ULK4: variants seen among roughly 807,000 people sequenced by gnomAD.
ULK4 encodes unc-51 like kinase 4.
ULK4 carries 133 observed loss-of-function variants against 160.6 expected under a neutral mutation model. The observed-to-expected ratio is 0.83, with a 90% CI of 0.72 to 0.96. The LOEUF is 0.96. Ranked by LOEUF, ULK4 falls within the 40% of genes least tolerant of loss-of-function variation. ULK4 has a pLI of 0.00. For synonymous variants in ULK4, 534 were observed against 539.8 expected, an observed-to-expected ratio of 0.99 and a Z score of 0.15; for missense variants, 1,580 against 1,499.5, an observed-to-expected ratio of 1.05 and a Z score of -0.89.
At chr3:41,593,476 A>G (rs986030214) in intron 31 of ULK4, among the ~76,000 whole-genome samples, 1 of 152,172 alleles carries the variant, frequency 6.6e-6, no homozygotes, top group South Asian at 2.1e-4. Context: ...GGGGAACTGG[A>G]GTTATTTAAC....
intron 31 of ULK4, among the ~76,000 whole-genome samples, chr3:41,614,742 T>C (rs963487772): frequency 6.6e-6 from 1 of 152,048 alleles, no homozygotes; most frequent in African/African-American, 2.4e-5. Context: ...AAAAATAAAG[T>C]TTTCACCATA....
chr3:41,716,009 C>T (rs1032288866), intron 23 of ULK4, among the ~76,000 whole-genome samples: 3 of 151,334 alleles, frequency 2.0e-5, no homozygotes, highest in African/African-American at 4.8e-5. Flanking sequence ...GTCAGGAGAT[C>T]GAGACCATCC....
At chr3:41,541,186 T>C (rs1402426298) in intron 32 of ULK4, among the ~76,000 whole-genome samples, 3 of 152,338 alleles carry the variant, frequency 2.0e-5, no homozygotes, top group East Asian at 3.9e-4. Flanking sequence ...CTTTAATCCA[T>C]CCTGAATCAA....
chr3:41,444,136 T>C (rs1021271401), intron 34 of ULK4, among the ~76,000 whole-genome samples: 2 of 152,172 alleles, frequency 1.3e-5, no homozygotes, highest in African/African-American at 2.4e-5. Flanking sequence ...AATATTTTAA[T>C]TTACCAATAT....
chr3:41,348,617 AC>A (rs141030724), intron 35 of ULK4, among the ~76,000 whole-genome samples: 2,634 of 152,226 alleles, frequency 0.017, 62 homozygotes, highest in African/African-American at 0.052. Context: ...GATAAATATA[AC>A]TGAGCACATA....
At chr3:41,935,209 ATTTTTTTTTTTT>A (rs10524611) in intron 4 of ULK4, among the ~76,000 whole-genome samples, 21 of 135,594 alleles carry the variant, frequency 1.5e-4, no homozygotes, top group African/African-American at 3.6e-4. Flanking sequence ...TTATTTATTT[ATTTTTTTTTTTT>A]TTTTTTTTTT....
intron 14 of ULK4, 37 bp from the exon 15 acceptor site, chr3:41,897,040 G>T: frequency 1.3e-6 from 2 of 1,535,140 alleles, no homozygotes; most frequent in Non-Finnish European, 1.8e-6. Flanking sequence ...TACATATGAT[G>T]AGAAAAAGAA....
chr3:41,601,391 C>T lies in ULK4; in HGVS notation c.3120+14278G>A, dbSNP rs947284458. 5.9e-5 allele frequency among the ~76,000 whole-genome samples: 9 copies of T among 152,000 alleles called. No individual in the cohort carries two copies. The East Asian group carries it at 1.7e-3, about 29-fold the overall frequency. On this transcript the variant is annotated intron_variant, in intron 31 of 36. Coordinates refer to ENST00000301831, the MANE Select transcript of ULK4 (RefSeq NM_017886.4). ...GACACATCTCCTTTATGGAAAAATT[C>T]GAAATAATTTATGTAGGTACTTTGC... is the stretch of plus-strand genomic sequence containing the variant.
chr3:41,414,034 G>A (rs1427517159), intron 34 of ULK4, among the ~76,000 whole-genome samples: 4 of 152,074 alleles, frequency 2.6e-5, no homozygotes, highest in Admixed American at 6.5e-5. Context: ...GAGAAACCCC[G>A]TCTCTACTTA....
chr3:41,865,271 T>TA (rs55741060), intron 17 of ULK4, among the ~76,000 whole-genome samples: 1,124 of 29,926 alleles, frequency 0.038, 164 homozygotes, highest in Non-Finnish European at 0.055. Flanking sequence ...ACTCTGTCTT[T>TA]AAAAAAAAAA....
intron 34 of ULK4, among the ~76,000 whole-genome samples, chr3:41,428,870 C>T (rs1273460757): frequency 6.6e-6 from 1 of 152,030 alleles, no homozygotes; most frequent in Non-Finnish European, 1.5e-5. Context: ...ATGACAAAAA[C>T]GTCAAAAGCT....
At chr3:41,827,403 T>C (rs865966347) in intron 18 of ULK4, among the ~76,000 whole-genome samples, 1 of 151,952 alleles carries the variant, frequency 6.6e-6, no homozygotes, top group Admixed American at 6.6e-5. Flanking sequence ...ACAAAATTGA[T>C]AGACCACTAG....
At chr3:41,800,947 C>T (rs2040440773) in intron 19 of ULK4, among the ~76,000 whole-genome samples, 1 of 152,116 alleles carries the variant, frequency 6.6e-6, no homozygotes, top group Non-Finnish European at 1.5e-5. Flanking sequence ...GTTCCGCATC[C>T]AATGATATAA....
intron 17 of ULK4, among the ~76,000 whole-genome samples, chr3:41,848,144 G>C (rs2042116873): frequency 6.6e-6 from 1 of 152,156 alleles, no homozygotes; most frequent in Admixed American, 6.5e-5. Context: ...GAGAAGCAAG[G>C]ACTGCTATCT....
At chr3:41,717,931 G>A (rs1027584152) in intron 22 of ULK4, 70 bp from the exon 23 acceptor site, 19 of 1,533,302 alleles carry the variant, frequency 1.2e-5, no homozygotes, top group Non-Finnish European at 1.4e-5. Flanking sequence ...CAAAAATGCC[G>A]CCAAGGCAAG....
intron 32 of ULK4, among the ~76,000 whole-genome samples, chr3:41,541,029 T>C (rs973388589): frequency 6.6e-6 from 1 of 152,244 alleles, no homozygotes; most frequent in African/African-American, 2.4e-5. Flanking sequence ...AGCTCTTTAG[T>C]TTAATTACAT....
intron 32 of ULK4, among the ~76,000 whole-genome samples, chr3:41,548,808 C>T (rs1223506982): frequency 1.3e-5 from 2 of 152,072 alleles, no homozygotes; most frequent in African/African-American, 4.8e-5. Flanking sequence ...TCACTGCCGC[C>T]GCCACCACCA....
At chr3:41,891,341 T>TGGAGGGAG (rs1158941591) in intron 16 of ULK4, among the ~76,000 whole-genome samples, 1 of 18,130 alleles carries the variant, frequency 5.5e-5, no homozygotes, top group African/African-American at 2.6e-4. Flanking sequence ...AAGACGGGAC[T>TGGAGGGAG]GGAGGGAGGG....
At chr3:41,479,885 A>G (rs1357536203) in intron 32 of ULK4, among the ~76,000 whole-genome samples, 1 of 152,192 alleles carries the variant, frequency 6.6e-6, no homozygotes, top group African/African-American at 2.4e-5. Flanking sequence ...AAAAATTCAA[A>G]TAATACCAAT....
Sources: allele counts gnomAD v4.1 joint callset (sites outside exome capture counted in the v4.1 genomes callset), GRCh38; gene constraint gnomAD v4.1.1; transcripts MANE v1.5; gene names NCBI Gene and HGNC (gene_info 2026-07-23, HGNC 2026-07-21).